CFAP97: variants seen among roughly 807,000 people sequenced by gnomAD.
CFAP97 encodes the protein cilia- and flagella-associated protein 97.
Under a neutral mutation model 43.1 loss-of-function variants are expected in CFAP97, and 36 were observed. The observed-to-expected ratio is 0.84, with a 90% confidence interval of 0.64 to 1.10. CFAP97 has a LOEUF of 1.10. Ranked by LOEUF, CFAP97 falls within the 50% of genes least tolerant of loss-of-function variation. The probability of loss-of-function intolerance (pLI) is 0.00; values close to 1 mark genes in which losing one functional copy is unlikely to be tolerated. For missense variants in CFAP97, 657 were observed against 620.3 expected (o/e 1.06, Z -0.63); for synonymous variants, 228 against 225.7 (o/e 1.01, Z -0.09).
At chr4:185,193,205 T>C (rs1419715753) in intron 1 of CFAP97, among the ~76,000 whole-genome samples, 1 of 152,042 alleles carries the variant, frequency 6.6e-6, no homozygotes, top group African/African-American at 2.4e-5. Flanking sequence ...AGAGGATCAG[T>C]TTAAAGGGGC....
chr4:185,183,173 G>C (rs1735870365), intron 2 of CFAP97, among the ~76,000 whole-genome samples: 1 of 151,942 alleles, frequency 6.6e-6, no homozygotes, highest in Non-Finnish European at 1.5e-5. Context: ...CTCATTATCT[G>C]AACTCTCACC....
chr4:185,197,101 T>C (rs1221438596), intron 1 of CFAP97, among the ~76,000 whole-genome samples: 81 of 66,442 alleles, frequency 1.2e-3, no homozygotes, highest in African/African-American at 7.0e-3. Flanking sequence ...TCCCTCTTAA[T>C]TAAAAAAAAA....
chr4:185,176,912 T>A (rs1357089333), intron 2 of CFAP97, among the ~76,000 whole-genome samples: 1 of 152,244 alleles, frequency 6.6e-6, no homozygotes, highest in Non-Finnish European at 1.5e-5. Context: ...ACTTCTACTG[T>A]AAAAGTCAAA....
intron 3 of CFAP97, among the ~76,000 whole-genome samples, chr4:185,164,581 G>C (rs1560853037): frequency 2.0e-5 from 3 of 152,106 alleles, no homozygotes; most frequent in Non-Finnish European, 4.4e-5. Flanking sequence ...TCTGTTTCTG[G>C]TTGGGCCAGT....
intron 1 of CFAP97, 130 bp downstream of exon 1, chr4:185,203,768 G>A (rs1183013593): frequency 1.3e-5 from 2 of 151,364 alleles, no homozygotes; most frequent in Admixed American, 1.3e-4. Context: ...CGTCCGCGCA[G>A]GCTTCGTTAA....
intron 1 of CFAP97, among the ~76,000 whole-genome samples, chr4:185,202,596 T>TGATAGTTTCCTG (rs1736920490): frequency 6.6e-6 from 1 of 152,020 alleles, no homozygotes; most frequent in East Asian, 1.9e-4. Context: ...CCAGTTTCCT[T>TGATAGTTTCCTG]GATAGTTTCC....
rs115525865 is a variant in CFAP97, at chr4:185,191,547, A to C, written c.-16-335T>G. Reference sequence around the variant, plus strand: ...AAATTAAGTACAACAAAACAAAGAAAAAGGCCGGGCGCGGTGGCTCATGCC... The same window carrying C: ...AAATTAAGTACAACAAAACAAAGAACAAGGCCGGGCGCGGTGGCTCATGCC... On this transcript the variant is annotated intron_variant, in intron 1 of 4. Transcript: ENST00000458385. Among the ~76,000 whole-genome samples the C allele has an allele frequency of 9.8e-3, 1,495 of 152,248 alleles. 28 individuals are homozygous for C. Among genetic ancestry groups the C allele is most frequent in the African/African-American group, 0.035 (1,441 of 41,544 alleles).
rs1451453148 is a variant in CFAP97 at position 185,162,786 on chromosome 4, T to TA, written c.*11dup. 2 of 1,611,178 alleles carry TA rather than the reference T, an allele frequency of 1.2e-6. No homozygotes were observed. The highest frequency in any genetic ancestry group is 2.7e-5 in the African/African-American group (2 of 74,900). On this transcript the variant is annotated 3_prime_UTR_variant, in exon 5 of 5. Transcript: ENST00000458385. ...AAAGTTGTGTGAACAATGTTTAAAGTAAAAAAGTGTTTTATAACCAAGCTG... is the reference window on the plus strand; with the variant it reads ...AAAGTTGTGTGAACAATGTTTAAAGTAAAAAAAGTGTTTTATAACCAAGCTG...
chr4:185,178,392 C>T (rs1163589160), intron 2 of CFAP97, among the ~76,000 whole-genome samples: 2 of 151,676 alleles, frequency 1.3e-5, no homozygotes, highest in Non-Finnish European at 1.5e-5. Context: ...GGATTACAGG[C>T]GCCCACTACC....
rs772343101 is a variant in CFAP97, at chr4:185,175,915, T to C, written c.1191A>G (p.Glu397=). The change falls in exon 3 of 5, where the codon GAA becomes GAG. Residue 397 remains glutamate (E), a synonymous_variant. Coordinates refer to ENST00000458385, the MANE Select transcript of CFAP97 (RefSeq NM_020827.3). ...IDRENQRLLK[E]LSRQAEKPGS... is the part of the protein sequence containing the mutation. ...CCGGCTTTTCCGCCTGTCTTGACAG[T>C]TCTTTCAAAAGCCTCTGATTTTCCC... is the stretch of plus-strand genomic sequence containing the variant. 2 of 1,613,956 alleles carry C rather than the reference T, an allele frequency of 1.2e-6. No individual in the cohort carries two copies. The highest frequency in any genetic ancestry group is 1.7e-6 in the Non-Finnish European group (2 of 1,179,876).
At chr4:185,170,067 G>T (rs966270723) in intron 3 of CFAP97, 1 of 1,203,442 alleles carries the variant, frequency 8.3e-7, no homozygotes, top group Non-Finnish European at 1.0e-6. Flanking sequence ...ACTCCTACAG[G>T]CCAGGCACAG....
intron 1 of CFAP97, among the ~76,000 whole-genome samples, chr4:185,195,412 G>A (rs1034389286): frequency 6.6e-6 from 1 of 152,156 alleles, no homozygotes; most frequent in Admixed American, 6.6e-5. Context: ...GTGCACAGGA[G>A]GTTGATAATG....
rs1055898236 is a variant in CFAP97, at chr4:185,161,430, T to C, written c.*1368A>G. 16 of 152,238 alleles carry C rather than the reference T, an allele frequency of 1.1e-4. No individual in the cohort carries two copies. Among genetic ancestry groups the C allele is most frequent in the Middle Eastern group, 3.4e-3 (1 of 294 alleles). The allele number at this position is 152,238 out of a possible 1,614,324, so 9.4% of individuals were successfully genotyped here. A position where few individuals can be genotyped will look rare whatever the true frequency, so the allele number is the denominator to read the frequency against. ...GCTACAGAGCCTGAGCACTGAAAAA[T>C]GAAAATCTTATTGTGGCTACAGATC... On this transcript the variant is annotated 3_prime_UTR_variant, in exon 5 of 5. Transcript: ENST00000458385.
chr4:185,176,747 G>A (rs1220826503), intron 2 of CFAP97, among the ~76,000 whole-genome samples: 1 of 152,142 alleles, frequency 6.6e-6, no homozygotes, highest in Non-Finnish European at 1.5e-5. Flanking sequence ...TTTAGGTACA[G>A]CTTTTCTTAG....
intron 3 of CFAP97, among the ~76,000 whole-genome samples, chr4:185,174,546 G>GT (rs1332107687): frequency 6.6e-6 from 1 of 152,182 alleles, no homozygotes; most frequent in Non-Finnish European, 1.5e-5. Flanking sequence ...GAAAACACTG[G>GT]TAATGACACA....
chr4:185,170,120 G>T, intron 3 of CFAP97: 1 of 1,039,930 alleles, frequency 9.6e-7, no homozygotes, highest in Non-Finnish European at 1.2e-6. Context: ...AGCTGAGGCA[G>T]ATGGATCACT....
intron 2 of CFAP97, among the ~76,000 whole-genome samples, chr4:185,179,666 T>C (rs928390877): frequency 6.6e-6 from 1 of 152,166 alleles, no homozygotes; most frequent in Non-Finnish European, 1.5e-5. Flanking sequence ...AACACAGCAC[T>C]GGGTTGACTG....
At chr4:185,198,852 C>G (rs1164185241) in intron 1 of CFAP97, among the ~76,000 whole-genome samples, 44 of 151,582 alleles carry the variant, frequency 2.9e-4, no homozygotes, top group Admixed American at 2.9e-3. Context: ...TGCAGAAGAT[C>G]TAGCTAAGAG....
intron 4 of CFAP97, 94 bp from the exon 5 acceptor site, chr4:185,163,019 C>G: frequency 8.9e-7 from 1 of 1,120,722 alleles, no homozygotes; most frequent in Non-Finnish European, 1.2e-6. Context: ...GTCTAATAGT[C>G]TAATGCTATG....
Sources: allele counts gnomAD v4.1 joint callset (sites outside exome capture counted in the v4.1 genomes callset), GRCh38; gene constraint gnomAD v4.1.1; transcripts MANE v1.5; gene names NCBI Gene and HGNC (gene_info 2026-07-23, HGNC 2026-07-21).